Variants in VAC14 observed in about 807,000 individuals in gnomAD.
VAC14 encodes protein VAC14 homolog.
Under a neutral mutation model 85.3 loss-of-function variants are expected in VAC14, and 47 were observed. The observed-to-expected ratio is 0.55, with a 90% confidence interval of 0.44 to 0.70. The LOEUF is 0.70. Ranked by LOEUF, VAC14 falls within the 30% of genes least tolerant of loss-of-function variation. The probability of loss-of-function intolerance (pLI) is 0.00; values close to 1 mark genes in which losing one functional copy is unlikely to be tolerated. For synonymous variants in VAC14, 447 were observed against 430.5 expected (o/e 1.04, Z -0.47); for missense variants, 861 against 1,004.3 (o/e 0.86, Z 1.93).
At chr16:70,796,669 T>A (rs1313404705) in intron 1 of VAC14, among the ~76,000 whole-genome samples, 1 of 152,014 alleles carries the variant, frequency 6.6e-6, no homozygotes, top group African/African-American at 2.4e-5. Flanking sequence ...AGATGAGGGG[T>A]ATACCATGGC....
chr16:70,778,813 T>C (rs1370549410), intron 9 of VAC14: 2 of 152,248 alleles, frequency 1.3e-5, no homozygotes, highest in Non-Finnish European at 2.9e-5. Context: ...TCTTGTTTCT[T>C]TGCATTTTTC....
At chr16:70,698,900 C>A (rs763275545) in intron 14 of VAC14, 89 bp from the exon 15 acceptor site, 93 of 1,219,264 alleles carry the variant, frequency 7.6e-5, no homozygotes, top group Non-Finnish European at 9.6e-5. Context: ...GGTTTTGCAG[C>A]GTCCTGGGGA....
Position 70,797,860 on chromosome 16 carries a change from G to A in VAC14, c.104+2937C>T, listed in dbSNP as rs184844544. On this transcript the variant is annotated intron_variant, in intron 1 of 18. Transcript: ENST00000261776. ...TGCTCCTGCTCCCGCCATGTGGGAC[G>A]CCTTGCTCCCTCTTTGCCCTCCATC... is the stretch of plus-strand genomic sequence containing the variant. Among the ~76,000 whole-genome samples the A allele has an allele frequency of 4.2e-4, 64 of 152,252 alleles. No homozygotes were observed. In the East Asian group the frequency reaches 0.011, roughly 27 times the overall value.
chr16:70,715,875 A>T (rs1480137598), intron 14 of VAC14: 3 of 152,254 alleles, frequency 2.0e-5, no homozygotes, highest in African/African-American at 7.2e-5. Flanking sequence ...AGGGAAAAAG[A>T]AAATCCCAAA....
rs1324991100 is a variant in VAC14 at position 70,731,485 on chromosome 16, C to T, written c.1661+10G>A. ...GGAGGAAGAGGAGAAAGCGCGCCGC[C>T]AAGGCTGACCTGATGATGAAAGGGC... On this transcript the variant is annotated intron_variant, in intron 14 of 18. Coordinates refer to ENST00000261776, the MANE Select transcript of VAC14 (RefSeq NM_018052.5). 4 of 1,611,764 alleles carry T rather than the reference C, an allele frequency of 2.5e-6. No individual in the cohort carries two copies. Among genetic ancestry groups the T allele is most frequent in the Admixed American group, 1.7e-5 (1 of 59,524 alleles).
chr16:70,698,569 G>A (rs938255813), intron 15 of VAC14, 68 bp downstream of exon 15: 2 of 1,585,070 alleles, frequency 1.3e-6, no homozygotes, highest in Non-Finnish European at 1.7e-6. Context: ...CCGAGGGGCG[G>A]GCTCACACAG....
intron 9 of VAC14, chr16:70,778,340 T>C (rs1203059954): frequency 2.0e-5 from 3 of 152,122 alleles, no homozygotes; most frequent in Non-Finnish European, 4.4e-5. Context: ...AGTGGTTCCT[T>C]TCTAGCGGGC....
Position 70,687,671 on chromosome 16 carries a change from C to G in VAC14, c.*257G>C, listed in dbSNP as rs950018965. Reference sequence around the variant, plus strand: ...GTTGATTCCAGAGGATGAGTGGTCTCTGAGGCTATAGCCCCCCACTGGGTG... The same window carrying G: ...GTTGATTCCAGAGGATGAGTGGTCTGTGAGGCTATAGCCCCCCACTGGGTG... On this transcript the variant is annotated 3_prime_UTR_variant, in exon 19 of 19. Coordinates refer to ENST00000261776, the MANE Select transcript of VAC14 (RefSeq NM_018052.5). 5.3e-6 allele frequency: 2 copies of G among 376,982 alleles called. No individual in the cohort carries two copies. Among genetic ancestry groups the G allele is most frequent in the Non-Finnish European group, 9.4e-6 (2 of 212,838 alleles). 23.4% of individuals were successfully genotyped at this position (376,982 alleles called of 1,614,324 possible). A position where few individuals can be genotyped will look rare whatever the true frequency, so the allele number is the denominator to read the frequency against.
chr16:70,692,218 C>T (rs1482281582), intron 18 of VAC14, among the ~76,000 whole-genome samples: 3 of 151,652 alleles, frequency 2.0e-5, no homozygotes, highest in Non-Finnish European at 4.4e-5. Context: ...AGCTGGGCCT[C>T]TTGGTGGAGG....
chr16:70,691,891 C>T (rs1161276649), intron 18 of VAC14: 18 of 985,174 alleles, frequency 1.8e-5, no homozygotes, highest in African/African-American at 3.5e-5. Flanking sequence ...ATCGCAAAGG[C>T]GAGCACCCGA....
intron 1 of VAC14, among the ~76,000 whole-genome samples, chr16:70,786,709 G>A (rs941112989): frequency 6.6e-6 from 1 of 152,136 alleles, no homozygotes; most frequent in African/African-American, 2.4e-5. Context: ...CTTTCCATTC[G>A]TGCATCTCAG....
intron 18 of VAC14, among the ~76,000 whole-genome samples, chr16:70,692,442 C>T (rs1347712616): frequency 2.0e-5 from 3 of 152,112 alleles, no homozygotes; most frequent in African/African-American, 4.8e-5. Flanking sequence ...CTGGGGCCCC[C>T]ATCTCTAAGC....
intron 18 of VAC14, chr16:70,690,194 C>A (rs1247588373): frequency 2.0e-6 from 2 of 985,336 alleles, no homozygotes; most frequent in African/African-American, 3.5e-5. Context: ...GGCAAGAAGT[C>A]CTGCTCCCTG....
At chr16:70,732,895 T>A (rs1055390184) in intron 13 of VAC14, among the ~76,000 whole-genome samples, 1 of 152,172 alleles carries the variant, frequency 6.6e-6, no homozygotes, top group African/African-American at 2.4e-5. Flanking sequence ...GTGATCCACC[T>A]GCCTTGGCCT....
chr16:70,749,973 C>T (rs986167011), intron 12 of VAC14, among the ~76,000 whole-genome samples: 2 of 152,358 alleles, frequency 1.3e-5, no homozygotes, highest in Non-Finnish European at 1.5e-5. Context: ...AGCTGCTCTT[C>T]CAGCTGCACC....
chr16:70,689,509 G>C, intron 18 of VAC14: 1 of 985,528 alleles, frequency 1.0e-6, no homozygotes, highest in Non-Finnish European at 1.2e-6. Context: ...CCAGGGCAGG[G>C]GGACTCTTCC....
chr16:70,786,148 C>T (rs2034044267), intron 2 of VAC14, 67 bp downstream of exon 2: 4 of 1,575,236 alleles, frequency 2.5e-6, no homozygotes, highest in Non-Finnish European at 3.5e-6. Context: ...ACAGGGAAGG[C>T]ATCGGGATGG....
At chr16:70,727,749 GC>G (rs1299936801) in intron 14 of VAC14, among the ~76,000 whole-genome samples, 3 of 152,230 alleles carry the variant, frequency 2.0e-5, no homozygotes, top group Non-Finnish European at 4.4e-5. Context: ...AACGGCCTCA[GC>G]CCCCCACAGG....
intron 12 of VAC14, among the ~76,000 whole-genome samples, chr16:70,752,656 G>C (rs368411020): frequency 6.6e-6 from 1 of 152,216 alleles, no homozygotes; most frequent in South Asian, 2.1e-4. Flanking sequence ...CCAGGGCCCC[G>C]CTTCATTGTG....
Sources: gnomAD v4.1 joint callset for allele counts (sites outside exome capture counted in the v4.1 genomes callset) on GRCh38, gnomAD v4.1.1 for gene constraint, MANE v1.5 for transcripts, NCBI Gene and HGNC (gene_info 2026-07-23, HGNC 2026-07-21) for gene names.